IKZF1: variants seen among roughly 807,000 people sequenced by gnomAD.
IKZF1 encodes DNA-binding protein Ikaros.
IKZF1 carries 10 observed loss-of-function variants against 51.7 expected under a neutral mutation model. The observed-to-expected ratio is 0.19, with a 90% CI of 0.12 to 0.33. The LOEUF (loss-of-function observed/expected upper bound fraction) is 0.33, where lower values mean the gene tolerates loss of function less well. IKZF1 is among the 10% of genes least tolerant of loss of function. IKZF1 has a pLI of 1.00. For synonymous variants in IKZF1, 280 were observed against 282.3 expected (o/e 0.99, Z 0.08); for missense variants, 484 against 707.5 (o/e 0.68, Z 3.58).
At chr7:50,360,338 A>G (rs1804830798) in intron 3 of IKZF1, among the ~76,000 whole-genome samples, 1 of 152,026 alleles carries the variant, frequency 6.6e-6, no homozygotes, top group Middle Eastern at 3.2e-3. Flanking sequence ...CAGCCTCCAG[A>G]GTTCTCTTCA....
chr7:50,350,269 C>T (rs191788064), intron 3 of IKZF1, among the ~76,000 whole-genome samples: 6 of 152,364 alleles, frequency 3.9e-5, no homozygotes, highest in Non-Finnish European at 2.9e-5. Flanking sequence ...TCTGCACATT[C>T]CCTCTTTGAG....
intron 2 of IKZF1, among the ~76,000 whole-genome samples, chr7:50,319,688 C>T (rs1018093560): frequency 6.6e-6 from 1 of 152,200 alleles, no homozygotes; most frequent in African/African-American, 2.4e-5. Flanking sequence ...CACAGTTCCC[C>T]AGTGCATGGA....
chr7:50,363,285 T>C (rs1392514161), intron 3 of IKZF1, among the ~76,000 whole-genome samples: 1 of 151,996 alleles, frequency 6.6e-6, no homozygotes, highest in Admixed American at 6.6e-5. Flanking sequence ...CTGCAAACTT[T>C]TGTGTGCCTG....
chr7:50,326,665 C>A (rs1390425253), intron 2 of IKZF1, among the ~76,000 whole-genome samples: 1 of 152,064 alleles, frequency 6.6e-6, no homozygotes, highest in Non-Finnish European at 1.5e-5. Flanking sequence ...TCTGTAAAAC[C>A]CGATTTCATT....
chr7:50,317,059 GAAAT>G (rs1209086659), intron 1 of IKZF1, among the ~76,000 whole-genome samples: 7 of 152,132 alleles, frequency 4.6e-5, no homozygotes, highest in Non-Finnish European at 8.8e-5. Context: ...AAAAAGTACA[GAAAT>G]AAATATACAG....
intron 3 of IKZF1, among the ~76,000 whole-genome samples, chr7:50,361,584 A>G (rs1201843589): frequency 6.6e-6 from 1 of 152,194 alleles, no homozygotes; most frequent in Non-Finnish European, 1.5e-5. Context: ...CAATCATTTA[A>G]AAGCTAATCC....
At chr7:50,311,196 C>G (rs1014419159) in intron 1 of IKZF1, among the ~76,000 whole-genome samples, 2 of 152,184 alleles carry the variant, frequency 1.3e-5, no homozygotes, top group Non-Finnish European at 2.9e-5. Context: ...ATGTCTGCAC[C>G]TTTTCATCCT....
At chr7:50,333,188 A>G (rs1796798279) in intron 3 of IKZF1, among the ~76,000 whole-genome samples, 1 of 152,082 alleles carries the variant, frequency 6.6e-6, no homozygotes, top group Non-Finnish European at 1.5e-5. Context: ...ATTCAATTGA[A>G]GTAAAAATTT....
chr7:50,380,149 A>G (rs1419622408), intron 4 of IKZF1, among the ~76,000 whole-genome samples: 1 of 152,174 alleles, frequency 6.6e-6, no homozygotes, highest in African/African-American at 2.4e-5. Flanking sequence ...GGACCCCTCC[A>G]AAGGAAACTG....
At position 50,382,671 on chromosome 7, in the gene IKZF1, A is replaced by T; in HGVS notation, c.553A>T (p.Arg185Trp). The change falls in exon 5 of 8, where the codon AGG becomes TGG. Residue 185 changes from arginine (R) to tryptophan (W), a missense_variant. Arg to Trp is a moderately radical substitution (Grantham distance 101, BLOSUM62 -3). Around this residue, in one of 6 missense-constraint regions of IKZF1, gnomAD observed 53 missense variants for 167.7 expected, o/e 0.32. Coordinates refer to ENST00000331340, the MANE Select transcript of IKZF1 (RefSeq NM_006060.6). ...CCTCTGCAACTACGCCTGCCGCCGG[A>T]GGGACGCCCTCACTGGCCACCTGAG... ...CHLCNYACRRRDALTGHLRTH... is the reference protein window; with the variant it reads ...CHLCNYACRRWDALTGHLRTH... The T allele has an allele frequency of 6.2e-7, 1 of 1,611,472 alleles. No individual in the cohort carries two copies. The highest frequency in any genetic ancestry group is 8.5e-7 in the Non-Finnish European group (1 of 1,179,824).
intron 3 of IKZF1, among the ~76,000 whole-genome samples, chr7:50,352,858 C>T (rs970671348): frequency 1.3e-5 from 2 of 152,224 alleles, no homozygotes; most frequent in African/African-American, 4.8e-5. Context: ...CATATCATGG[C>T]ATAATCACTA....
chr7:50,332,881 C>G (rs1161683843), intron 3 of IKZF1, among the ~76,000 whole-genome samples: 1 of 152,084 alleles, frequency 6.6e-6, no homozygotes, highest in Non-Finnish European at 1.5e-5. Flanking sequence ...GCTCTGTGCA[C>G]TGGAGCAGCC....
intron 3 of IKZF1, among the ~76,000 whole-genome samples, chr7:50,357,388 C>T (rs1001822489): frequency 6.8e-6 from 1 of 147,530 alleles, no homozygotes; most frequent in Non-Finnish European, 1.5e-5. Flanking sequence ...CTGCTGTAGC[C>T]CCCCACCTCC....
chr7:50,324,623 A>G (rs1245053182), intron 2 of IKZF1, among the ~76,000 whole-genome samples: 1 of 152,194 alleles, frequency 6.6e-6, no homozygotes. Context: ...ATGCAAGATC[A>G]GGGACACTGG....
chr7:50,336,549 C>T, intron 3 of IKZF1, among the ~76,000 whole-genome samples: 1 of 152,292 alleles, frequency 6.6e-6, no homozygotes, highest in South Asian at 2.1e-4. Context: ...ATAGCTCGCC[C>T]TTGGGACAGG....
intron 3 of IKZF1, among the ~76,000 whole-genome samples, chr7:50,331,124 A>T (rs1796358875): frequency 6.6e-6 from 1 of 152,246 alleles, no homozygotes; most frequent in Non-Finnish European, 1.5e-5. Context: ...AAGGACAGAA[A>T]AAAGAAATGC....
intron 1 of IKZF1, among the ~76,000 whole-genome samples, chr7:50,314,004 G>A (rs1790842792): frequency 1.3e-5 from 2 of 152,212 alleles, no homozygotes; most frequent in South Asian, 4.1e-4. Flanking sequence ...AAATATCACT[G>A]GACAAAGAAT....
chr7:50,387,932 G>A (rs1813894125), intron 6 of IKZF1, among the ~76,000 whole-genome samples: 1 of 152,228 alleles, frequency 6.6e-6, no homozygotes, highest in African/African-American at 2.4e-5. Context: ...ACTGAGGGCA[G>A]GGTATCCACT....
Position 50,400,770 on chromosome 7 carries a change from GTT to G in IKZF1, c.*145_*146del, listed in dbSNP as rs2153520196. Reference sequence around the variant, plus strand: ...GATTTGTAACTGTTTTTTGTTTTTTGTTTGAGTTGGTTGATTGGGGTTTGATT... The same window carrying G: ...GATTTGTAACTGTTTTTTGTTTTTTGTGAGTTGGTTGATTGGGGTTTGATT... On this transcript the variant is annotated 3_prime_UTR_variant, in exon 8 of 8. Coordinates refer to ENST00000331340, the MANE Select transcript of IKZF1 (RefSeq NM_006060.6). This position sits in a 1 kb window ranked among gnomAD's most constrained non-coding sequence, Gnocchi z 5.4. The G allele has an allele frequency of 9.2e-7, 1 of 1,082,362 alleles. No individual in the cohort carries two copies. Among genetic ancestry groups the G allele is most frequent in the African/African-American group, 1.6e-5 (1 of 62,740 alleles). The allele number at this position is 1,082,362 out of a possible 1,614,324, so 67.0% of individuals were successfully genotyped here. A position where few individuals can be genotyped will look rare whatever the true frequency, so the allele number is the denominator to read the frequency against.
Sources: allele counts gnomAD v4.1 joint callset (sites outside exome capture counted in the v4.1 genomes callset), GRCh38; gene constraint gnomAD v4.1.1; regional missense constraint gnomAD v4.1.1; non-coding constraint Gnocchi (gnomAD v3.1); transcripts MANE v1.5; gene names NCBI Gene and HGNC (gene_info 2026-07-23, HGNC 2026-07-21).